The following NR6A1 variants were observed in gnomAD, a reference collection of about 807,000 sequenced individuals.
The protein encoded by NR6A1 is nuclear receptor subfamily 6 group A member 1, also known as retinoic acid receptor-related testis-associated receptor.
A neutral mutation model predicts 59.1 loss-of-function variants in NR6A1; 7 were observed. The ratio of observed to expected loss-of-function variants is 0.12; its 90% confidence interval spans 0.07 to 0.22. The LOEUF (loss-of-function observed/expected upper bound fraction) is 0.22. Among genes scored for constraint, NR6A1 ranks in the 10% least tolerant of loss-of-function variants. NR6A1 has a pLI of 1.00. For synonymous variants in NR6A1, 243 were observed against 236.1 expected (o/e 1.03, Z -0.27); for missense variants, 468 against 611.6 (o/e 0.77, Z 2.48).
At chr9:124,616,230 C>T (rs144142016) in intron 2 of NR6A1, among the ~76,000 whole-genome samples, 243 of 151,566 alleles carry the variant, frequency 1.6e-3, no homozygotes, top group African/African-American at 5.7e-3. Context: ...GGTGAAACCC[C>T]AACTCTACTG....
At chr9:124,597,273 T>A (rs936618919) in intron 2 of NR6A1, among the ~76,000 whole-genome samples, 1 of 148,938 alleles carries the variant, frequency 6.7e-6, no homozygotes, top group African/African-American at 2.5e-5. Flanking sequence ...ACTGACCAGC[T>A]TTCCCACCCC....
intron 2 of NR6A1, among the ~76,000 whole-genome samples, chr9:124,577,782 T>G (rs1834643586): frequency 6.6e-6 from 1 of 152,212 alleles, no homozygotes; most frequent in African/African-American, 2.4e-5. Flanking sequence ...GGAAAACTGG[T>G]GATCATCATC....
chr9:124,537,212 A>G (rs1341836566), intron 6 of NR6A1, among the ~76,000 whole-genome samples: 2 of 151,682 alleles, frequency 1.3e-5, no homozygotes, highest in Non-Finnish European at 2.9e-5. Flanking sequence ...GCCTCAGCTT[A>G]CTGAGTAGCT....
chr9:124,639,831 A>C (rs1836721005), intron 2 of NR6A1, among the ~76,000 whole-genome samples: 1 of 152,218 alleles, frequency 6.6e-6, no homozygotes, highest in Non-Finnish European at 1.5e-5. Context: ...TAGTATGGTG[A>C]GTTCAGAAGC....
At chr9:124,624,558 G>A (rs999740678) in intron 2 of NR6A1, among the ~76,000 whole-genome samples, 1 of 152,148 alleles carries the variant, frequency 6.6e-6, no homozygotes, top group Non-Finnish European at 1.5e-5. Context: ...GAGACAGAAC[G>A]CTGGGACGGG....
At chr9:124,597,022 A>T (rs1588697385) in intron 2 of NR6A1, among the ~76,000 whole-genome samples, 1 of 152,226 alleles carries the variant, frequency 6.6e-6, no homozygotes, top group Non-Finnish European at 1.5e-5. Flanking sequence ...TTCCAGAAAA[A>T]GGAGACCCTT....
chr9:124,548,840 C>T (rs1203651351), intron 3 of NR6A1, among the ~76,000 whole-genome samples: 1 of 152,172 alleles, frequency 6.6e-6, no homozygotes, highest in African/African-American at 2.4e-5. Flanking sequence ...ACTAACATGA[C>T]ACCCACCCCC....
chr9:124,624,961 T>C (rs539223490), intron 2 of NR6A1, among the ~76,000 whole-genome samples: 3 of 150,442 alleles, frequency 2.0e-5, no homozygotes, highest in Non-Finnish European at 3.0e-5. Context: ...TAGAGTCATC[T>C]GAAAACAAAA....
At position 124,603,100 on chromosome 9, in the gene NR6A1, C is replaced by T. The variant is rs189423327; in HGVS notation, c.143-48530G>A. On this transcript the variant is annotated intron_variant, in intron 2 of 9. Transcript: ENST00000487099. ...ACTTAAACTCAAAGTCAAATCGCAC[C>T]CTTCTTCCCTTCTGCCTGGATCCCT... Among the ~76,000 whole-genome samples the T allele has an allele frequency of 1.2e-3, 180 of 152,012 alleles. 1 individual carries two copies. Among genetic ancestry groups the T allele is most frequent in the South Asian group, 4.0e-3 (19 of 4,804 alleles).
At chr9:124,752,695 C>T (rs188051108) in intron 1 of NR6A1, among the ~76,000 whole-genome samples, 1 of 151,812 alleles carries the variant, frequency 6.6e-6, no homozygotes, top group African/African-American at 2.4e-5. Context: ...GTACAAGTAC[C>T]TACAAAATTA....
chr9:124,733,844 T>A (rs531625503), intron 1 of NR6A1, among the ~76,000 whole-genome samples: 2 of 152,334 alleles, frequency 1.3e-5, no homozygotes, highest in South Asian at 4.1e-4. Context: ...GAATTTTACC[T>A]ACACAAACAA....
intron 2 of NR6A1, among the ~76,000 whole-genome samples, chr9:124,585,560 G>C (rs867176440): frequency 4.2e-5 from 4 of 95,814 alleles, no homozygotes; most frequent in East Asian, 3.2e-4. Flanking sequence ...AAAAAAAAAG[G>C]GGGGGGGGGG....
At chr9:124,560,982 T>C (rs1236777270) in intron 2 of NR6A1, among the ~76,000 whole-genome samples, 2 of 152,118 alleles carry the variant, frequency 1.3e-5, no homozygotes, top group Admixed American at 1.3e-4. Context: ...TCAGAGCCCA[T>C]GGCAAGGTAA....
intron 4 of NR6A1, among the ~76,000 whole-genome samples, chr9:124,540,723 C>A (rs1833417223): frequency 6.6e-6 from 1 of 152,116 alleles, no homozygotes; most frequent in African/African-American, 2.4e-5. Context: ...CTGGCCTAAG[C>A]TCAGAAGATT....
intron 1 of NR6A1, among the ~76,000 whole-genome samples, chr9:124,755,008 T>C (rs1286208236): frequency 6.6e-6 from 1 of 152,088 alleles, no homozygotes; most frequent in Non-Finnish European, 1.5e-5. Flanking sequence ...TAAACCCAAG[T>C]CTAACGTTAA....
chr9:124,729,254 A>G (rs1033277958), intron 2 of NR6A1, among the ~76,000 whole-genome samples: 1 of 152,222 alleles, frequency 6.6e-6, no homozygotes, highest in Non-Finnish European at 1.5e-5. Context: ...ATCATAGTAT[A>G]TAAGCATCAT....
intron 1 of NR6A1, among the ~76,000 whole-genome samples, chr9:124,752,097 T>C (rs1316264169): frequency 2.6e-5 from 4 of 152,148 alleles, no homozygotes; most frequent in Admixed American, 2.6e-4. Flanking sequence ...GGTGAAACCC[T>C]GTCTCTACTA....
chr9:124,561,507 A>G (rs1207628978), intron 2 of NR6A1, among the ~76,000 whole-genome samples: 1 of 152,234 alleles, frequency 6.6e-6, no homozygotes, highest in Non-Finnish European at 1.5e-5. Context: ...CATAAATGAC[A>G]CAGAGCTCTA....
chr9:124,618,169 T>C (rs542987239), intron 2 of NR6A1, among the ~76,000 whole-genome samples: 55 of 152,196 alleles, frequency 3.6e-4, no homozygotes, highest in Non-Finnish European at 6.0e-4. Flanking sequence ...GGAAGGATAC[T>C]GTAAGCAGCA....
Sources: allele counts gnomAD v4.1 joint callset (sites outside exome capture counted in the v4.1 genomes callset), GRCh38; gene constraint gnomAD v4.1.1; transcripts MANE v1.5; gene names NCBI Gene and HGNC (gene_info 2026-07-23, HGNC 2026-07-21).